Variants in RANBP2 observed in about 807,000 individuals in gnomAD.
RANBP2 encodes E3 SUMO-protein ligase RanBP2.
In RANBP2, 57 loss-of-function variants were observed where a neutral mutation model predicts 303.6. The observed-to-expected ratio is 0.19, with a 90% CI of 0.15 to 0.23. The LOEUF (loss-of-function observed/expected upper bound fraction) is 0.23, where lower values mean the gene tolerates loss of function less well. Among genes scored for constraint, RANBP2 ranks in the 10% least tolerant of loss-of-function variants. RANBP2 has a pLI of 1.00. For missense variants in RANBP2, 3,138 were observed against 3,780.8 expected, an observed-to-expected ratio of 0.83 and a Z score of 4.46; for synonymous variants, 1,167 against 1,301.5, an observed-to-expected ratio of 0.90 and a Z score of 2.23.
chr2:109,341,302 C>T, the RANBP2 span, among the ~76,000 whole-genome samples: 26 of 152,144 alleles, frequency 1.7e-4, no homozygotes, highest in African/African-American at 2.9e-4. Context: ...TTCTTCATCG[C>T]GGATTAAATC....
the RANBP2 span, among the ~76,000 whole-genome samples, chr2:109,568,654 A>G: frequency 1.6e-5 from 2 of 121,654 alleles, no homozygotes; most frequent in African/African-American, 6.3e-5. Context: ...AAATGTGATA[A>G]AAGGTAAACT....
At chr2:109,557,896 G>A in the RANBP2 span, among the ~76,000 whole-genome samples, 1 of 148,174 alleles carries the variant, frequency 6.7e-6, no homozygotes, top group Non-Finnish European at 1.5e-5. Context: ...ATCCAGGCTG[G>A]ATCATCCTGC....
chr2:108,995,413 A>AG, the RANBP2 span, among the ~76,000 whole-genome samples: 4 of 152,230 alleles, frequency 2.6e-5, no homozygotes, highest in Admixed American at 6.5e-5. Flanking sequence ...GTGTTCTTGC[A>AG]GGGGGCATGT....
chr2:109,513,236 T>C, the RANBP2 span, among the ~76,000 whole-genome samples: 61 of 152,210 alleles, frequency 4.0e-4, no homozygotes, highest in Admixed American at 2.4e-3. Context: ...GATTCACACC[T>C]GACACACCAC....
chr2:109,425,497 G>T, the RANBP2 span, among the ~76,000 whole-genome samples: 4 of 152,232 alleles, frequency 2.6e-5, no homozygotes, highest in Non-Finnish European at 5.9e-5. Flanking sequence ...AGACTCTCTT[G>T]TTAGGGGCTA....
At chr2:109,360,872 A>G in the RANBP2 span, among the ~76,000 whole-genome samples, 4 of 152,346 alleles carry the variant, frequency 2.6e-5, no homozygotes, top group South Asian at 8.3e-4. Flanking sequence ...GCAGGGGCAG[A>G]GAGTACATTC....
the RANBP2 span, among the ~76,000 whole-genome samples, chr2:108,984,504 G>T: frequency 6.6e-6 from 1 of 152,032 alleles, no homozygotes; most frequent in South Asian, 2.1e-4. Flanking sequence ...CCTCTGCTCC[G>T]GCAGCATGGC....
chr2:108,976,651 G>T, the RANBP2 span, among the ~76,000 whole-genome samples: 2 of 152,144 alleles, frequency 1.3e-5, no homozygotes, highest in East Asian at 3.9e-4. Context: ...TTATTTATTT[G>T]TCAGTGTGAA....
the RANBP2 span, among the ~76,000 whole-genome samples, chr2:109,663,418 C>CTGGGTG: frequency 6.6e-6 from 1 of 152,148 alleles, no homozygotes; most frequent in African/African-American, 2.4e-5. Context: ...CCTACTGTGC[C>CTGGGTG]CTGCTTCTTG....
the RANBP2 span, among the ~76,000 whole-genome samples, chr2:109,091,640 C>T: frequency 6.6e-6 from 1 of 152,186 alleles, no homozygotes. Context: ...CTGTGGCTAC[C>T]TGCCCATGGT....
the RANBP2 span, among the ~76,000 whole-genome samples, chr2:109,076,908 G>A: frequency 6.7e-6 from 1 of 150,258 alleles, no homozygotes; most frequent in African/African-American, 2.4e-5. Context: ...AATTTATATG[G>A]TACCACAAAA....
chr2:109,542,345 C>G, the RANBP2 span, among the ~76,000 whole-genome samples: 1 of 152,188 alleles, frequency 6.6e-6, no homozygotes, highest in Non-Finnish European at 1.5e-5. Context: ...CAGTCATCAG[C>G]AGTACAAAAC....
the RANBP2 span, chr2:109,129,594 G>T: frequency 2.7e-5 from 40 of 1,483,376 alleles, no homozygotes; most frequent in Non-Finnish European, 3.3e-5. Flanking sequence ...CCGCTGCTGC[G>T]CAGAGCGAGG....
At chr2:108,798,026 G>C in the RANBP2 span, among the ~76,000 whole-genome samples, 3 of 150,780 alleles carry the variant, frequency 2.0e-5, 1 homozygote, top group Non-Finnish European at 1.5e-5. Context: ...AAGGTGATCA[G>C]TGTGCTAATC....
the RANBP2 span, among the ~76,000 whole-genome samples, chr2:109,765,749 G>A: frequency 6.6e-6 from 1 of 151,084 alleles, no homozygotes; most frequent in South Asian, 2.1e-4. Flanking sequence ...AGAGGCACTA[G>A]CAGTTTAGTC....
At chr2:109,142,191 C>T in the RANBP2 span, among the ~76,000 whole-genome samples, 35 of 152,260 alleles carry the variant, frequency 2.3e-4, no homozygotes, top group Admixed American at 6.5e-4. Flanking sequence ...GCCCCCTGGG[C>T]GGACTCTTGC....
At chr2:109,456,163 GA>G in the RANBP2 span, among the ~76,000 whole-genome samples, 6 of 152,196 alleles carry the variant, frequency 3.9e-5, no homozygotes, top group African/African-American at 1.4e-4. Context: ...ATGGGCCATG[GA>G]AACCACCTCT....
the RANBP2 span, among the ~76,000 whole-genome samples, chr2:109,681,092 G>C: frequency 6.6e-6 from 1 of 152,222 alleles, no homozygotes; most frequent in African/African-American, 2.4e-5. Flanking sequence ...ACAGTAAGCA[G>C]CTAGTGTGGA....
the RANBP2 span, among the ~76,000 whole-genome samples, chr2:109,058,462 C>A: frequency 6.6e-6 from 1 of 152,212 alleles, no homozygotes; most frequent in Non-Finnish European, 1.5e-5. Context: ...TCTCGGCTCT[C>A]CTTCCTGAGA....
Sources: allele counts gnomAD v4.1 joint callset (sites outside exome capture counted in the v4.1 genomes callset), GRCh38; gene constraint gnomAD v4.1.1; transcripts MANE v1.5; gene names NCBI Gene and HGNC (gene_info 2026-07-23, HGNC 2026-07-21).